Variants in ANO4 observed in about 807,000 individuals in gnomAD.
ANO4 encodes anoctamin 4.
Under a neutral mutation model 141.9 loss-of-function variants are expected in ANO4, and 69 were observed. That is an observed-to-expected ratio of 0.49 (90% CI 0.40 to 0.59). The LOEUF (loss-of-function observed/expected upper bound fraction) is 0.59, where lower values mean the gene tolerates loss of function less well. Among genes scored for constraint, ANO4 ranks in the 20% least tolerant of loss-of-function variants. ANO4 has a pLI of 0.00. For synonymous variants in ANO4, 350 were observed against 394.3 expected (o/e 0.89, Z 1.33); for missense variants, 894 against 1,162.2 (o/e 0.77, Z 3.36).
At chr12:100,857,506 C>T (rs189843305) in intron 1 of ANO4, among the ~76,000 whole-genome samples, 20 of 152,190 alleles carry the variant, frequency 1.3e-4, no homozygotes, top group South Asian at 8.3e-4. Context: ...TACTTGCACA[C>T]GGTCACTAAC....
chr12:100,933,945 G>C (rs1197749916), intron 3 of ANO4, among the ~76,000 whole-genome samples: 2 of 151,996 alleles, frequency 1.3e-5, no homozygotes, highest in African/African-American at 2.4e-5. Context: ...TTTTGATGGG[G>C]TTGTTTTTTT....
At chr12:101,099,819 G>A (rs959963497) in intron 22 of ANO4, 99 bp downstream of exon 22, 22 of 1,012,402 alleles carry the variant, frequency 2.2e-5, no homozygotes, top group African/African-American at 1.3e-4. Context: ...TCCTCAGTGC[G>A]TAGGGATTCC....
At chr12:100,752,417 T>C (rs2032423450) in intron 3 of ANO4, among the ~76,000 whole-genome samples, 1 of 152,178 alleles carries the variant, frequency 6.6e-6, no homozygotes, top group Admixed American at 6.6e-5. Context: ...TAATTCTTAT[T>C]ATTTATTACA....
chr12:100,886,807 C>T (rs2039856185), intron 1 of ANO4, among the ~76,000 whole-genome samples: 1 of 152,092 alleles, frequency 6.6e-6, no homozygotes, highest in Admixed American at 6.5e-5. Flanking sequence ...AAATTATGCT[C>T]TGGCTCTTTA....
At chr12:100,817,347 C>T (rs1005455005) in intron 1 of ANO4, among the ~76,000 whole-genome samples, 1 of 151,682 alleles carries the variant, frequency 6.6e-6, no homozygotes, top group African/African-American at 2.4e-5. Context: ...AGAGTAATCC[C>T]TGCCTAGGCT....
At chr12:101,009,108 A>G (rs1368980556) in intron 8 of ANO4, among the ~76,000 whole-genome samples, 1 of 152,120 alleles carries the variant, frequency 6.6e-6, no homozygotes, top group Non-Finnish European at 1.5e-5. Context: ...CTAACCCCCA[A>G]TATCTCAGAA....
intron 1 of ANO4, among the ~76,000 whole-genome samples, chr12:100,802,174 C>T (rs939692330): frequency 1.3e-5 from 2 of 152,062 alleles, no homozygotes; most frequent in Non-Finnish European, 2.9e-5. Context: ...CCCCCTGGGT[C>T]TTTGGTGCTG....
intron 3 of ANO4, among the ~76,000 whole-genome samples, chr12:100,755,882 G>A (rs2032587227): frequency 6.6e-6 from 1 of 152,154 alleles, no homozygotes; most frequent in African/African-American, 2.4e-5. Context: ...TGTGCTAGGG[G>A]GAATGTGACA....
chr12:100,824,225 T>G (rs1218096634), intron 1 of ANO4, among the ~76,000 whole-genome samples: 1 of 151,978 alleles, frequency 6.6e-6, no homozygotes, highest in Non-Finnish European at 1.5e-5. Flanking sequence ...GTACTGTCAG[T>G]CAGTCATGTG....
chr12:100,771,764 A>G (rs2033311778), intron 3 of ANO4, among the ~76,000 whole-genome samples: 1 of 152,244 alleles, frequency 6.6e-6, no homozygotes, highest in Admixed American at 6.5e-5. Flanking sequence ...ACCAGTGGCC[A>G]TAGATAAATC....
chr12:100,965,491 C>A lies in ANO4; in HGVS notation c.457-5815C>A, dbSNP rs192814481. ...AAACAAGTGATCCCTGCCTGTAACT[C>A]ATTAGTGGCTTCCTATTGGCCTTGG... On this transcript the variant is annotated intron_variant, in intron 5 of 27. Transcript: ENST00000392977. Among the ~76,000 whole-genome samples, 463 of 152,262 alleles carry A rather than the reference C, an allele frequency of 3.0e-3. 3 individuals carry two copies. Among genetic ancestry groups the A allele is most frequent in the African/African-American group, 0.011 (443 of 41,542 alleles).
intron 3 of ANO4, among the ~76,000 whole-genome samples, chr12:100,932,670 C>T (rs2042128116): frequency 6.6e-6 from 1 of 152,052 alleles, no homozygotes; most frequent in Non-Finnish European, 1.5e-5. Context: ...AAAGTAAATT[C>T]ACCTTTTCAT....
At chr12:100,943,640 C>G (rs1449221879) in intron 5 of ANO4, among the ~76,000 whole-genome samples, 2 of 152,104 alleles carry the variant, frequency 1.3e-5, no homozygotes, top group African/African-American at 4.8e-5. Flanking sequence ...GAAACAGGTT[C>G]TTATTCTCAG....
At chr12:101,021,836 A>T (rs979228759) in intron 9 of ANO4, among the ~76,000 whole-genome samples, 4 of 152,172 alleles carry the variant, frequency 2.6e-5, no homozygotes, top group African/African-American at 9.7e-5. Context: ...GTTCGAATAG[A>T]AAAGGAAGTA....
chr12:101,082,437 A>G (rs1350180613), intron 15 of ANO4, among the ~76,000 whole-genome samples: 1 of 152,188 alleles, frequency 6.6e-6, no homozygotes, highest in Non-Finnish European at 1.5e-5. Context: ...ACCTGTCTCC[A>G]TGATTGGCCT....
intron 7 of ANO4, among the ~76,000 whole-genome samples, chr12:100,983,502 A>G (rs751739956): frequency 3.6e-4 from 55 of 152,258 alleles, no homozygotes; most frequent in African/African-American, 5.1e-4. Context: ...ACTCTGGGGA[A>G]AATCTGCTTC....
intron 3 of ANO4, among the ~76,000 whole-genome samples, chr12:100,747,797 C>T (rs1275233658): frequency 1.3e-5 from 2 of 152,286 alleles, no homozygotes; most frequent in Middle Eastern, 3.4e-3. Context: ...CACTTGAACC[C>T]GGGAGGTGAA....
At chr12:100,810,726 A>G (rs1356112523) in intron 1 of ANO4, among the ~76,000 whole-genome samples, 1 of 152,046 alleles carries the variant, frequency 6.6e-6, no homozygotes, top group Non-Finnish European at 1.5e-5. Context: ...CTAAGTGTAG[A>G]TTAGATAACT....
At chr12:100,928,375 T>C (rs75684058) in intron 3 of ANO4, among the ~76,000 whole-genome samples, 5,308 of 152,210 alleles carry the variant, frequency 0.035, 134 homozygotes, top group Non-Finnish European at 0.05. Flanking sequence ...GGTGTATAAG[T>C]GTTGACTGCC....
Sources: allele counts gnomAD v4.1 joint callset (sites outside exome capture counted in the v4.1 genomes callset), GRCh38; gene constraint gnomAD v4.1.1; transcripts MANE v1.5; gene names NCBI Gene and HGNC (gene_info 2026-07-23, HGNC 2026-07-21).